Variants in RANBP17 observed in about 807,000 individuals in gnomAD.
RANBP17 encodes RAN binding protein 17.
A neutral mutation model predicts 141.2 loss-of-function variants in RANBP17; 158 were observed. The ratio of observed to expected loss-of-function variants is 1.12; its 90% CI spans 0.98 to 1.28. The LOEUF (loss-of-function observed/expected upper bound fraction) is 1.28. Ranked by LOEUF, RANBP17 falls within the 50% of genes most tolerant of loss-of-function variation. The pLI, the probability that RANBP17 is intolerant of heterozygous loss-of-function variation, is 0.00. For missense variants in RANBP17, 1,438 were observed against 1,290.7 expected (o/e 1.11, Z -1.75); for synonymous variants, 430 against 450.0 (o/e 0.96, Z 0.56).
intron 25 of RANBP17, among the ~76,000 whole-genome samples, chr5:171,267,488 G>T (rs1766796663): frequency 6.6e-6 from 1 of 152,076 alleles, no homozygotes; most frequent in Non-Finnish European, 1.5e-5. Flanking sequence ...ATGACCGTTA[G>T]GGAGCAAATA....
At chr5:170,964,543 C>T (rs1328886365) in intron 13 of RANBP17, among the ~76,000 whole-genome samples, 1 of 152,132 alleles carries the variant, frequency 6.6e-6, no homozygotes, top group Non-Finnish European at 1.5e-5. Flanking sequence ...GCTATCCCTT[C>T]CACCTCCCCC....
intron 22 of RANBP17, among the ~76,000 whole-genome samples, chr5:171,225,032 G>A (rs766211504): frequency 2.0e-5 from 3 of 152,170 alleles, no homozygotes; most frequent in Non-Finnish European, 2.9e-5. Flanking sequence ...AAAGCCCTTA[G>A]ACTAGTTAAC....
intron 13 of RANBP17, among the ~76,000 whole-genome samples, chr5:170,960,892 C>T (rs1042400435): frequency 2.0e-5 from 3 of 152,164 alleles, no homozygotes; most frequent in African/African-American, 4.8e-5. Flanking sequence ...GATACAGGCT[C>T]CTGCCACCAC....
chr5:170,991,651 C>T (rs911575332), intron 14 of RANBP17, among the ~76,000 whole-genome samples: 1 of 151,948 alleles, frequency 6.6e-6, no homozygotes, highest in Non-Finnish European at 1.5e-5. Context: ...CCTGGGAAAT[C>T]TCATTACTTT....
chr5:171,168,753 A>G (rs1471763123), intron 14 of RANBP17, among the ~76,000 whole-genome samples: 2 of 152,166 alleles, frequency 1.3e-5, no homozygotes, highest in Admixed American at 1.3e-4. Flanking sequence ...TCACAGATAT[A>G]TAATCACTGA....
In RANBP17 at chr5:170,892,487, G is replaced by C; in HGVS notation, c.357G>C (p.Trp119Cys). ...TTGCTAAAATCACTAAGTTGGGGTGGTTTGAGGTTCAGAAAGACCAATTTG... is the reference window on the plus strand; with the variant it reads ...TTGCTAAAATCACTAAGTTGGGGTGCTTTGAGGTTCAGAAAGACCAATTTG... ...QVIAKITKLG[W>C]FEVQKDQFVF... Residue 119 changes from tryptophan to cysteine, a missense_variant, in exon 4 of 28, where the codon TGG (tryptophan) becomes TGC (cysteine). By Grantham distance (215) the Trp-to-Cys change is radical. Transcript: ENST00000523189. 1 of 1,613,968 alleles carries C rather than the reference G, an allele frequency of 6.2e-7. No homozygotes were observed. The highest frequency in any genetic ancestry group is 8.5e-7 in the Non-Finnish European group (1 of 1,179,910).
At chr5:170,965,754 C>T (rs1776510031) in intron 13 of RANBP17, among the ~76,000 whole-genome samples, 1 of 152,118 alleles carries the variant, frequency 6.6e-6, no homozygotes. Context: ...TTCCGTTGGT[C>T]TGTATCTCTG....
intron 14 of RANBP17, among the ~76,000 whole-genome samples, chr5:171,128,860 G>A (rs941264711): frequency 3.9e-5 from 6 of 151,926 alleles, no homozygotes; most frequent in African/African-American, 1.5e-4. Flanking sequence ...TTGCAATAAT[G>A]AAAACTCTGC....
intron 18 of RANBP17, among the ~76,000 whole-genome samples, chr5:171,192,083 G>C (rs1761688021): frequency 6.6e-6 from 1 of 152,136 alleles, no homozygotes; most frequent in South Asian, 2.1e-4. Flanking sequence ...TTCTTCTCAT[G>C]GATAAAGGAA....
intron 14 of RANBP17, among the ~76,000 whole-genome samples, chr5:171,101,208 C>T (rs748771541): frequency 2.2e-4 from 33 of 152,104 alleles, no homozygotes; most frequent in Non-Finnish European, 4.0e-4. Flanking sequence ...GTTAAAGTCT[C>T]CCATTATTAT....
chr5:171,051,662 T>C (rs1470952503), intron 14 of RANBP17, among the ~76,000 whole-genome samples: 1 of 152,186 alleles, frequency 6.6e-6, no homozygotes, highest in Non-Finnish European at 1.5e-5. Context: ...TGAGATGATT[T>C]CACCTTTTGG....
At chr5:171,151,746 C>T (rs1758500505) in intron 14 of RANBP17, among the ~76,000 whole-genome samples, 1 of 152,074 alleles carries the variant, frequency 6.6e-6, no homozygotes, top group African/African-American at 2.4e-5. Flanking sequence ...CCTTCAAGTT[C>T]CTAGCCTTTC....
At chr5:170,940,661 C>T (rs1774251936) in intron 12 of RANBP17, among the ~76,000 whole-genome samples, 2 of 152,070 alleles carry the variant, frequency 1.3e-5, no homozygotes, top group South Asian at 4.1e-4. Flanking sequence ...TGGAAGGCTG[C>T]AGTACACTTC....
chr5:171,105,612 A>G (rs572488717), intron 14 of RANBP17, among the ~76,000 whole-genome samples: 1 of 152,098 alleles, frequency 6.6e-6, no homozygotes, highest in East Asian at 1.9e-4. Context: ...TGGCTACTTA[A>G]GAGGCTGAAA....
Position 171,205,603 on chromosome 5 carries a change from T to C in RANBP17, c.2222T>C (p.Phe741Ser), listed in dbSNP as rs1762534641. The change falls in exon 20 of 28, where the codon TTT becomes TCT. Residue 741 changes from phenylalanine to serine, a missense_variant. Transcript: ENST00000523189. ...LNTKTSYTMLFDWMYPTYLPL... is the reference protein window; with the variant it reads ...LNTKTSYTMLSDWMYPTYLPL... ...ACAAAGACCAGCTACACCATGCTGTTTGACTGGATGTATCCTTATTACACT... is the reference window on the plus strand; with the variant it reads ...ACAAAGACCAGCTACACCATGCTGTCTGACTGGATGTATCCTTATTACACT... 1 of 1,613,008 alleles carries C rather than the reference T, an allele frequency of 6.2e-7. No homozygotes were observed. The highest frequency in any genetic ancestry group is 8.5e-7 in the Non-Finnish European group (1 of 1,179,152).
intron 14 of RANBP17, among the ~76,000 whole-genome samples, chr5:171,130,777 A>G (rs1756860233): frequency 6.6e-6 from 1 of 152,202 alleles, no homozygotes; most frequent in Non-Finnish European, 1.5e-5. Flanking sequence ...AAGTATTTTG[A>G]GAATACAGAT....
At chr5:171,088,313 G>T (rs903380405) in intron 14 of RANBP17, among the ~76,000 whole-genome samples, 3 of 152,024 alleles carry the variant, frequency 2.0e-5, no homozygotes, top group African/African-American at 7.3e-5. Flanking sequence ...TGGCTTATAG[G>T]GTTTCTGCAG....
chr5:170,873,500 A>AT (rs1767926078), intron 1 of RANBP17, among the ~76,000 whole-genome samples: 1 of 151,988 alleles, frequency 6.6e-6, no homozygotes, highest in Non-Finnish European at 1.5e-5. Flanking sequence ...TTGGTAGGCT[A>AT]TTTTTTTACT....
At chr5:170,873,402 G>A (rs978815537) in intron 1 of RANBP17, among the ~76,000 whole-genome samples, 9 of 152,186 alleles carry the variant, frequency 5.9e-5, no homozygotes, top group Non-Finnish European at 1.2e-4. Context: ...CAGTTGTTTG[G>A]AATAGTTTCA....
Sources: allele counts gnomAD v4.1 joint callset (sites outside exome capture counted in the v4.1 genomes callset), GRCh38; gene constraint gnomAD v4.1.1; transcripts MANE v1.5; gene names NCBI Gene and HGNC (gene_info 2026-07-23, HGNC 2026-07-21).